Variants in VEZF1 observed in about 807,000 individuals in gnomAD.
The protein encoded by VEZF1 is putative transcription factor DB1.
Under a neutral mutation model 44.1 loss-of-function variants are expected in VEZF1, and 5 were observed. The observed-to-expected ratio is 0.11, with a 90% confidence interval of 0.06 to 0.24. The LOEUF (loss-of-function observed/expected upper bound fraction) is 0.24. VEZF1 is among the 10% of genes least tolerant of loss of function. The probability of loss-of-function intolerance (pLI) is 1.00; values close to 1 mark genes in which losing one functional copy is unlikely to be tolerated. For missense variants in VEZF1, 358 were observed against 641.8 expected (o/e 0.56, Z 4.78); for synonymous variants, 236 against 233.1 (o/e 1.01, Z -0.11).
intron 5 of VEZF1, among the ~76,000 whole-genome samples, chr17:57,975,792 CA>C (rs1489002883): frequency 6.6e-6 from 1 of 152,058 alleles, no homozygotes; most frequent in African/African-American, 2.4e-5. Flanking sequence ...TCTTATCCAA[CA>C]AAACCTGGAC....
chr17:57,986,776 A>AT (rs1422294973), intron 1 of VEZF1, among the ~76,000 whole-genome samples: 1 of 152,210 alleles, frequency 6.6e-6, no homozygotes, highest in African/African-American at 2.4e-5. Context: ...TGGGAGAATA[A>AT]TTTTTTGAAA....
At chr17:57,977,544 A>G (rs774674218) in intron 5 of VEZF1, among the ~76,000 whole-genome samples, 15 of 152,158 alleles carry the variant, frequency 9.9e-5, no homozygotes, top group Non-Finnish European at 1.8e-4. Flanking sequence ...ATGCCAGTAA[A>G]TGTATGAAAA....
intron 3 of VEZF1, among the ~76,000 whole-genome samples, chr17:57,981,191 C>G (rs894395259): frequency 6.6e-6 from 1 of 152,218 alleles, no homozygotes; most frequent in Admixed American, 6.5e-5. Flanking sequence ...ACAGCAGGCA[C>G]TCACTCAATG....
intron 5 of VEZF1, among the ~76,000 whole-genome samples, chr17:57,976,671 A>C (rs966537173): frequency 1.3e-5 from 2 of 152,178 alleles, no homozygotes; most frequent in African/African-American, 4.8e-5. Flanking sequence ...AGAGGTTTCT[A>C]AGATCAGTGG....
chr17:57,987,800 G>A (rs1262115597), intron 1 of VEZF1, among the ~76,000 whole-genome samples: 2 of 151,984 alleles, frequency 1.3e-5, no homozygotes, highest in African/African-American at 4.8e-5. Flanking sequence ...CAGAGCGAGA[G>A]GGAAGGGTGT....
At chr17:57,987,458 A>C (rs754603676) in intron 1 of VEZF1, among the ~76,000 whole-genome samples, 1 of 152,156 alleles carries the variant, frequency 6.6e-6, no homozygotes, top group South Asian at 2.1e-4. Context: ...CGCCCCCCCA[A>C]CTGGGTAAAC....
intron 4 of VEZF1, among the ~76,000 whole-genome samples, chr17:57,979,970 C>CAAAAA (rs11359148): frequency 2.2e-4 from 15 of 68,420 alleles, no homozygotes; most frequent in Admixed American, 3.4e-4. Flanking sequence ...GACTCCGTCT[C>CAAAAA]AAAAAAAAAA....
intron 2 of VEZF1, 115 bp downstream of exon 2, chr17:57,982,584 T>C (rs771782925): frequency 1.1e-5 from 11 of 1,010,164 alleles, no homozygotes; most frequent in Admixed American, 2.8e-5. Flanking sequence ...TCTCCTCTAA[T>C]AACACAGGTC....
At chr17:57,987,817 G>C (rs1166115936) in intron 1 of VEZF1, among the ~76,000 whole-genome samples, 1 of 151,628 alleles carries the variant, frequency 6.6e-6, no homozygotes. Flanking sequence ...GTGTGTGTGA[G>C]TGTGTGTGTG....
At position 57,981,483 on chromosome 17, in the gene VEZF1, T is replaced by C. The variant is rs73319825; in HGVS notation, c.792+390A>G. Among the ~76,000 whole-genome samples, 654 of 152,310 alleles carry C rather than the reference T, an allele frequency of 4.3e-3. 2 individuals are homozygous for C. The highest frequency in any genetic ancestry group is 0.015 in the African/African-American group (622 of 41,574). On this transcript the variant is annotated intron_variant, in intron 3 of 5. Coordinates refer to ENST00000581208, the MANE Select transcript of VEZF1 (RefSeq NM_007146.3). ...ACAAAAATCTAGTAAGTGGTAACAT[T>C]TGGGAGAAAAATTCATTATTTTCTC...
At chr17:57,983,492 G>C in intron 1 of VEZF1, 99 bp from the exon 2 acceptor site, 1 of 1,060,784 alleles carries the variant, frequency 9.4e-7, no homozygotes, top group Non-Finnish European at 1.4e-6. Flanking sequence ...AACAGTCAAA[G>C]AACCTATAAG....
Position 57,981,903 on chromosome 17 carries a change from G to C in VEZF1, c.762C>G (p.Val254=). 6.2e-7 allele frequency: 1 copy of C among 1,614,136 alleles called. No homozygotes were observed. The highest frequency in any genetic ancestry group is 1.1e-5 in the South Asian group (1 of 91,080). ...PDHLSCHVKH[V]HSTERPFKCQ... is the part of the protein sequence containing the mutation. The stretch of plus-strand genomic sequence containing the variant: ...ATTTGAAGGGTCTTTCTGTTGAATG[G>C]ACATGTTTTACATGACAGCTTAAGT... The change falls in exon 3 of 6, where the codon GTC becomes GTG. Residue 254 remains valine, a synonymous_variant. Transcript: ENST00000581208.
chr17:57,980,289 T>C (rs2075236731), intron 4 of VEZF1, among the ~76,000 whole-genome samples: 1 of 152,218 alleles, frequency 6.6e-6, no homozygotes, highest in East Asian at 1.9e-4. Flanking sequence ...ACTCTGAATT[T>C]AAGGCAAGCA....
rs564135252 is a variant in VEZF1 at position 57,973,372 on chromosome 17, G to A, written c.*1101C>T. ...CAAATCTGCGCAATACTTAAGAAAC[G>A]GAAGGAGAAATTTAAAAAAAGATAC... On this transcript the variant is annotated 3_prime_UTR_variant, in exon 6 of 6. Coordinates refer to ENST00000581208, the MANE Select transcript of VEZF1 (RefSeq NM_007146.3). The A allele has an allele frequency of 1.8e-4, 27 of 152,496 alleles. No individual in the cohort carries two copies. The highest frequency in any genetic ancestry group is 6.5e-4 in the African/African-American group (27 of 41,466). The allele number at this position is 152,496 out of a possible 1,614,324, so 9.4% of individuals were successfully genotyped here. A position where few individuals can be genotyped will look rare whatever the true frequency, so the allele number is the denominator to read the frequency against.
chr17:57,979,243 T>TTGCTGCTGCTGCTGCTGCTGCTGC lies in VEZF1; in HGVS notation c.1023_1046dup (p.Gln347_Gln354dup), dbSNP rs57786397. ...TTGTCACATGTTGTTGTTGTTGTTG[T>TTGCTGCTGCTGCTGCTGCTGCTGC]TGCTGCTGCTGCTGCTGCTGCTGCT... On this transcript the variant is annotated inframe_insertion, in exon 5 of 6. Transcript: ENST00000581208. 8 of 1,597,100 alleles carry TTGCTGCTGCTGCTGCTGCTGCTGC rather than the reference T, an allele frequency of 5.0e-6. No homozygotes were observed. In the African/African-American group the frequency reaches 9.5e-5, roughly 19 times the overall value.
rs146628005 is a variant in VEZF1, at chr17:57,974,623, G to A, written c.1416C>T (p.Ala472=). 9 of 1,614,158 alleles carry A rather than the reference G, an allele frequency of 5.6e-6. No homozygotes were observed. The Admixed American group carries it at 1.0e-4, about 18-fold the overall frequency. Residue 472 remains alanine, a synonymous_variant, in exon 6 of 6, where the codon GCC becomes GCT. Coordinates refer to ENST00000581208, the MANE Select transcript of VEZF1 (RefSeq NM_007146.3). ...TGACAGGGTGTGCTATATTCACTGG[G>A]GCAGTGACGGGGGTGGGGAGGTTGA... ...TPVNLPTPVT[A]PVNIAHPVTI... is the part of the protein sequence containing the mutation.
intron 3 of VEZF1, among the ~76,000 whole-genome samples, chr17:57,981,338 A>C (rs1367480552): frequency 1.3e-5 from 2 of 152,238 alleles, no homozygotes; most frequent in African/African-American, 4.8e-5. Context: ...AATGCCTAAA[A>C]CAGTCATTTG....
intron 5 of VEZF1, among the ~76,000 whole-genome samples, chr17:57,975,753 C>A (rs1243862557): frequency 6.6e-6 from 1 of 152,122 alleles, no homozygotes; most frequent in South Asian, 2.1e-4. Context: ...GCAAGGAGAC[C>A]CTGCAGTGAG....
chr17:57,984,616 A>C (rs1198224712), intron 1 of VEZF1, among the ~76,000 whole-genome samples: 1 of 152,186 alleles, frequency 6.6e-6, no homozygotes, highest in Non-Finnish European at 1.5e-5. Context: ...TTAGACGGTT[A>C]CTTACCCTTC....
Sources: gnomAD v4.1 joint callset for allele counts (sites outside exome capture counted in the v4.1 genomes callset) on GRCh38, gnomAD v4.1.1 for gene constraint, MANE v1.5 for transcripts, NCBI Gene and HGNC (gene_info 2026-07-23, HGNC 2026-07-21) for gene names.